DCDC2C: variants seen among roughly 807,000 people sequenced by gnomAD.
The protein encoded by DCDC2C is doublecortin domain containing 2C.
Under a neutral mutation model 45.0 loss-of-function variants are expected in DCDC2C, and 44 were observed. The ratio of observed to expected loss-of-function variants is 0.98; its 90% CI spans 0.77 to 1.26. DCDC2C has a LOEUF of 1.26. Ranked by LOEUF, DCDC2C falls within the 50% of genes most tolerant of loss-of-function variation. The probability of loss-of-function intolerance (pLI) is 0.00; values close to 1 mark genes in which losing one functional copy is unlikely to be tolerated. For synonymous variants in DCDC2C, 187 were observed against 178.8 expected, an observed-to-expected ratio of 1.05 and a Z score of -0.37; for missense variants, 447 against 468.9, an observed-to-expected ratio of 0.95 and a Z score of 0.43.
intron 5 of DCDC2C, 107 bp from the exon 6 acceptor site, chr2:3,754,485 C>A (rs1669633087): frequency 1.8e-6 from 2 of 1,099,914 alleles, no homozygotes; most frequent in East Asian, 5.3e-5. Context: ...CAGCTTGCTC[C>A]TCCTCGTGGT....
intron 10 of DCDC2C, among the ~76,000 whole-genome samples, chr2:3,816,814 G>A (rs1671570004): frequency 6.6e-6 from 1 of 152,214 alleles, no homozygotes; most frequent in South Asian, 2.1e-4. Flanking sequence ...AACTTGATGT[G>A]TAGGGAAGGA....
intron 10 of DCDC2C, among the ~76,000 whole-genome samples, chr2:3,845,879 A>G (rs926968934): frequency 5.3e-5 from 8 of 152,180 alleles, no homozygotes; most frequent in African/African-American, 1.7e-4. Flanking sequence ...GGTCTTGAAC[A>G]ATTTCCTTTT....
rs140102038 is a variant in DCDC2C at position 3,838,818 on chromosome 2, C to T, written c.1066-8336C>T. On this transcript the variant is annotated intron_variant, in intron 10 of 10. Coordinates refer to ENST00000399143, the MANE Select transcript of DCDC2C (RefSeq NM_001287444.2). ...ATGTATGCCTTTTGAACCAGCTATC[C>T]ACTTCTAGAAGTTTGTCCCAAGGCT... Among the ~76,000 whole-genome samples, 1,182 of 152,252 alleles carry T rather than the reference C, an allele frequency of 7.8e-3. 12 individuals are homozygous for T. The highest frequency in any genetic ancestry group is 0.026 in the African/African-American group (1,066 of 41,544).
chr2:3,773,687 C>T (rs1229931784), intron 8 of DCDC2C, among the ~76,000 whole-genome samples: 1 of 152,234 alleles, frequency 6.6e-6, no homozygotes, highest in Non-Finnish European at 1.5e-5. Flanking sequence ...CAAATGTGTA[C>T]AATTGGAAAC....
chr2:3,819,150 C>T (rs918517438), intron 10 of DCDC2C, among the ~76,000 whole-genome samples: 23 of 152,286 alleles, frequency 1.5e-4, no homozygotes, highest in South Asian at 8.3e-4. Flanking sequence ...CCTAGGTGAT[C>T]GGACAGCATC....
chr2:3,707,700 G>T (rs942216217), intron 1 of DCDC2C, among the ~76,000 whole-genome samples: 1 of 152,226 alleles, frequency 6.6e-6, no homozygotes, highest in Non-Finnish European at 1.5e-5. Context: ...GGAAAGGATG[G>T]TCCCACCAGC....
chr2:3,769,289 T>C, intron 7 of DCDC2C, 22 bp from the exon 8 acceptor site: 2 of 1,544,798 alleles, frequency 1.3e-6, no homozygotes, highest in Non-Finnish European at 1.8e-6. Context: ...TTCAAAAGTT[T>C]GTCTGTGTGA....
intron 1 of DCDC2C, 33 bp downstream of exon 1, chr2:3,704,071 G>A: frequency 8.1e-7 from 1 of 1,239,636 alleles, no homozygotes; most frequent in Non-Finnish European, 1.0e-6. Flanking sequence ...CGCGCCCTGC[G>A]CCCCTCCCCG....
intron 2 of DCDC2C, among the ~76,000 whole-genome samples, chr2:3,726,743 G>A (rs1035563551): frequency 1.2e-4 from 18 of 152,038 alleles, no homozygotes; most frequent in Admixed American, 2.0e-4. Context: ...CCCAGCCCCC[G>A]CACCCTGCAC....
chr2:3,834,624 G>A (rs1208788264), intron 10 of DCDC2C, among the ~76,000 whole-genome samples: 1 of 152,238 alleles, frequency 6.6e-6, no homozygotes, highest in African/African-American at 2.4e-5. Flanking sequence ...ATCATTGTGA[G>A]CTCACTCAGT....
chr2:3,799,365 G>A (rs1462669912), intron 10 of DCDC2C, among the ~76,000 whole-genome samples: 2 of 152,130 alleles, frequency 1.3e-5, no homozygotes, highest in African/African-American at 2.4e-5. Context: ...CCTTCTCTCA[G>A]CTCGTCAAAG....
chr2:3,827,038 A>G (rs533035663), intron 10 of DCDC2C, among the ~76,000 whole-genome samples: 100 of 152,172 alleles, frequency 6.6e-4, no homozygotes, highest in Non-Finnish European at 1.3e-3. Flanking sequence ...GAAGACAAAT[A>G]TAGAAGGAGT....
chr2:3,752,505 C>T (rs56857953), intron 4 of DCDC2C: 54,506 of 522,484 alleles, frequency 0.1, 3,900 homozygotes, highest in East Asian at 0.33. Context: ...TAACATGGTT[C>T]TCAAGAGCCT....
intron 10 of DCDC2C, among the ~76,000 whole-genome samples, chr2:3,841,860 CT>C (rs902201850): frequency 6.6e-5 from 10 of 151,396 alleles, no homozygotes; most frequent in Non-Finnish European, 1.3e-4. Context: ...ATAACCCCCG[CT>C]TTTTTTTTCT....
intron 3 of DCDC2C, among the ~76,000 whole-genome samples, chr2:3,731,899 G>T (rs1255711657): frequency 6.6e-6 from 1 of 152,154 alleles, no homozygotes; most frequent in Admixed American, 6.5e-5. Flanking sequence ...CTCTGGTTGT[G>T]TGTATGGGAT....
intron 10 of DCDC2C, among the ~76,000 whole-genome samples, chr2:3,840,445 A>T (rs1317525778): frequency 6.6e-6 from 1 of 152,226 alleles, no homozygotes; most frequent in East Asian, 1.9e-4. Flanking sequence ...GAAGAAAAAT[A>T]AGATAAAAAT....
chr2:3,833,842 A>G (rs926905206), intron 10 of DCDC2C, among the ~76,000 whole-genome samples: 3 of 152,328 alleles, frequency 2.0e-5, no homozygotes, highest in African/African-American at 7.2e-5. Context: ...GCTCTTTCCT[A>G]TCATAAGGCA....
intron 7 of DCDC2C, among the ~76,000 whole-genome samples, chr2:3,768,392 T>C (rs772697948): frequency 6.6e-5 from 10 of 152,212 alleles, no homozygotes; most frequent in Non-Finnish European, 8.8e-5. Flanking sequence ...GGTGCCCAGC[T>C]CTGAGTGAGG....
At chr2:3,807,769 G>A (rs1034797259) in intron 10 of DCDC2C, among the ~76,000 whole-genome samples, 1 of 151,874 alleles carries the variant, frequency 6.6e-6, no homozygotes, top group Non-Finnish European at 1.5e-5. Context: ...GCAGCCATTG[G>A]TCTGTTTTCT....
Sources: allele counts gnomAD v4.1 joint callset (sites outside exome capture counted in the v4.1 genomes callset), GRCh38; gene constraint gnomAD v4.1.1; transcripts MANE v1.5; gene names NCBI Gene and HGNC (gene_info 2026-07-23, HGNC 2026-07-21).